The following ALDH1A3 variants were observed in gnomAD, a reference collection of about 807,000 sequenced individuals.
ALDH1A3 encodes retinaldehyde dehydrogenase 3.
In ALDH1A3, 28 loss-of-function variants were observed where a neutral mutation model predicts 57.5. That is an observed-to-expected ratio of 0.49 (90% CI 0.36 to 0.67). The LOEUF is 0.67. Ranked by LOEUF, ALDH1A3 falls within the 30% of genes least tolerant of loss-of-function variation. The pLI is 0.00. For missense variants in ALDH1A3, 507 were observed against 669.4 expected (o/e 0.76, Z 2.68); for synonymous variants, 281 against 264.8 (o/e 1.06, Z -0.59).
intron 9 of ALDH1A3, among the ~76,000 whole-genome samples, chr15:100,904,092 T>C (rs1567173028): frequency 6.6e-6 from 1 of 152,250 alleles, no homozygotes; most frequent in African/African-American, 2.4e-5. Flanking sequence ...TATAAAACTT[T>C]TATGGTTTTG....
intron 1 of ALDH1A3, among the ~76,000 whole-genome samples, chr15:100,884,759 CT>C (rs1227206252): frequency 6.6e-6 from 1 of 152,056 alleles, no homozygotes; most frequent in Non-Finnish European, 1.5e-5. Flanking sequence ...TGGTGAGATC[CT>C]CCTCAAAGTG....
chr15:100,896,169 A>G (rs866907702), intron 7 of ALDH1A3, 123 bp downstream of exon 7: 1 of 775,928 alleles, frequency 1.3e-6, no homozygotes. Flanking sequence ...ATGTTTTAGT[A>G]CATAACAACC....
At chr15:100,891,220 G>A (rs1375589674) in intron 3 of ALDH1A3, among the ~76,000 whole-genome samples, 1 of 152,216 alleles carries the variant, frequency 6.6e-6, no homozygotes, top group African/African-American at 2.4e-5. Flanking sequence ...GGCCCTGTGA[G>A]GTAGGAACCG....
chr15:100,899,037 T>A (rs1160045589), intron 8 of ALDH1A3, among the ~76,000 whole-genome samples: 1 of 152,176 alleles, frequency 6.6e-6, no homozygotes, highest in Non-Finnish European at 1.5e-5. Flanking sequence ...GAATTGCAAA[T>A]ATCCCCAAGA....
chr15:100,893,148 G>GCCA lies in ALDH1A3; in HGVS notation c.537+143_537+144insCAC. ...TTTTCTTCGTGGCATGGAACTCCATGCTTGGGGGCTCTTGAGATGGATTAG... is the reference window on the plus strand; with the variant it reads ...TTTTCTTCGTGGCATGGAACTCCATGCCACTTGGGGGCTCTTGAGATGGATTAG... On this transcript the variant is annotated intron_variant, in intron 5 of 12. Transcript: ENST00000329841. The surrounding 1 kb of genome is among the most constrained non-coding windows in gnomAD (Gnocchi z 4.8). 4 of 699,560 alleles carry GCCA rather than the reference G, an allele frequency of 5.7e-6. No homozygotes were observed. The highest frequency in any genetic ancestry group is 9.3e-6 in the Non-Finnish European group (4 of 431,766). The allele number at this position is 699,560 out of a possible 1,614,324, so 43.3% of individuals were successfully genotyped here. A position where few individuals can be genotyped will look rare whatever the true frequency, so the allele number is the denominator to read the frequency against.
chr15:100,880,002 C>G lies in ALDH1A3; in HGVS notation c.95C>G (p.Thr32Ser). 1 of 1,465,418 alleles carries G rather than the reference C, an allele frequency of 6.8e-7. No homozygotes were observed. Among genetic ancestry groups the G allele is most frequent in the Non-Finnish European group, 9.0e-7 (1 of 1,105,140 alleles). The allele number at this position is 1,465,418 out of a possible 1,614,324, so 90.8% of individuals were successfully genotyped here. The change falls in exon 1 of 13, where the codon ACC (threonine) becomes AGC (serine). Residue 32 changes from threonine to serine, a missense_variant. Around this residue, in one of 2 missense-constraint regions of ALDH1A3, gnomAD observed 75 missense variants for 61.0 expected, o/e 1.23. Transcript: ENST00000329841. The part of the protein sequence containing the change: ...RPIRNLEVKF[T>S]KIFINNEWHE... ...ATCCGCAACCTGGAGGTCAAGTTCA[C>G]CAAGGTGAGGCGGGCGCCCCTCCCA... is the stretch of plus-strand genomic sequence containing the variant.
intron 12 of ALDH1A3, chr15:100,913,544 T>C (rs1046634161): frequency 6.6e-6 from 1 of 152,264 alleles, no homozygotes; most frequent in Admixed American, 6.5e-5. Flanking sequence ...CCCTTGTGAT[T>C]ACACTGGGTC....
intron 3 of ALDH1A3, 33 bp from the exon 4 acceptor site, chr15:100,892,477 A>G (rs200146843): frequency 3.3e-4 from 528 of 1,607,874 alleles, no homozygotes; most frequent in Non-Finnish European, 4.1e-4. Flanking sequence ...AAAGCAAGCT[A>G]TGTCCGAAAC....
intron 12 of ALDH1A3, 62 bp from the exon 13 acceptor site, chr15:100,914,639 G>C: frequency 3.3e-6 from 5 of 1,529,006 alleles, no homozygotes; most frequent in Non-Finnish European, 4.5e-6. Flanking sequence ...CCTCAGAACA[G>C]TTTCTACACA....
rs1380647670 is a variant in ALDH1A3 at position 100,893,532 on chromosome 15, G to A, written c.538-422G>A. On this transcript the variant is annotated intron_variant, in intron 5 of 12. Coordinates refer to ENST00000329841, the MANE Select transcript of ALDH1A3 (RefSeq NM_000693.4). The surrounding 1 kb of genome is among the most constrained non-coding windows in gnomAD (Gnocchi z 4.8). ...CGGGACTTTATTCATTGGGCGGTGG[G>A]GATGCTTATAGGTGCCCAAGAAGTG... 5.8e-6 allele frequency: 1 copy of A among 172,684 alleles called. No homozygotes were observed. The highest frequency in any genetic ancestry group is 1.2e-5 in the Non-Finnish European group (1 of 80,918). 10.7% of individuals were successfully genotyped at this position (172,684 alleles called of 1,614,324 possible).
chr15:100,904,356 A>G (rs1431247450), intron 9 of ALDH1A3, among the ~76,000 whole-genome samples: 1 of 152,076 alleles, frequency 6.6e-6, no homozygotes, highest in African/African-American at 2.4e-5. Context: ...TATGGATCTG[A>G]GTTAGTATTT....
chr15:100,893,911 G>A lies in ALDH1A3; in HGVS notation c.538-43G>A. 1.9e-6 allele frequency: 3 copies of A among 1,606,736 alleles called. No individual in the cohort carries two copies. Among genetic ancestry groups the A allele is most frequent in the East Asian group, 4.5e-5 (2 of 44,852 alleles). On this transcript the variant is annotated intron_variant, in intron 5 of 12. Transcript: ENST00000329841. The surrounding 1 kb of genome is among the most constrained non-coding windows in gnomAD (Gnocchi z 4.8). ...TCGTTGAGCACATGGGACAGGGTAA[G>A]AGGGTGGATCTGGGCCTCCAAAGCC... is the stretch of plus-strand genomic sequence containing the variant.
rs912836571 is a variant in ALDH1A3, at chr15:100,887,177, A to G, written c.205-395A>G. 1.1e-4 allele frequency among the ~76,000 whole-genome samples: 17 copies of G among 152,242 alleles called. No homozygotes were observed. Among genetic ancestry groups the G allele is most frequent in the African/African-American group, 4.1e-4 (17 of 41,470 alleles). On this transcript the variant is annotated intron_variant, in intron 2 of 12. Coordinates refer to ENST00000329841, the MANE Select transcript of ALDH1A3 (RefSeq NM_000693.4). This position sits in a 1 kb window ranked among gnomAD's most constrained non-coding sequence, Gnocchi z 4.6. ...CCAGCCATTCAAGTGATTGAAAAAC[A>G]TGCTGCTGCTTGCAGCCTGTCTGCC...
At chr15:100,896,408 A>T (rs1872443651) in intron 7 of ALDH1A3, among the ~76,000 whole-genome samples, 1 of 151,676 alleles carries the variant, frequency 6.6e-6, no homozygotes, top group Non-Finnish European at 1.5e-5. Context: ...TGCTCCTACA[A>T]GTCAATGAAA....
In ALDH1A3 at chr15:100,887,881, CTAGACTGAA is replaced by C. The variant is rs1225202535; in HGVS notation, c.345+171_345+179del. On this transcript the variant is annotated intron_variant, in intron 3 of 12. Coordinates refer to ENST00000329841, the MANE Select transcript of ALDH1A3 (RefSeq NM_000693.4). The surrounding 1 kb of genome is among the most constrained non-coding windows in gnomAD (Gnocchi z 4.6). Reference sequence around the variant, plus strand: ...GCAATACTTGCAGGTGTTAATGCCTCTAGACTGAATCCCTTTCATTTTGAAGTCAGACTT... The same window carrying C: ...GCAATACTTGCAGGTGTTAATGCCTCTCCCTTTCATTTTGAAGTCAGACTT... Among the ~76,000 whole-genome samples, 1 of 152,158 alleles carries C rather than the reference CTAGACTGAA, an allele frequency of 6.6e-6. No individual in the cohort carries two copies. Among genetic ancestry groups the C allele is most frequent in the Non-Finnish European group, 1.5e-5 (1 of 68,034 alleles).
chr15:100,900,372 C>T (rs935253415), intron 8 of ALDH1A3, among the ~76,000 whole-genome samples: 6 of 152,126 alleles, frequency 3.9e-5, no homozygotes, highest in Non-Finnish European at 7.4e-5. Context: ...TGATTTAACC[C>T]CAAACTTGGT....
intron 10 of ALDH1A3, 71 bp downstream of exon 10, chr15:100,905,758 G>T: frequency 7.1e-7 from 1 of 1,412,354 alleles, no homozygotes; most frequent in Non-Finnish European, 9.5e-7. Flanking sequence ...TAGGGCCCAG[G>T]GATCCCAGAA....
chr15:100,879,949 C>G lies in ALDH1A3; in HGVS notation c.42C>G (p.Asp14Glu). 6.8e-7 allele frequency: 1 copy of G among 1,472,408 alleles called. No homozygotes were observed. Among genetic ancestry groups the G allele is most frequent in the Non-Finnish European group, 9.0e-7 (1 of 1,110,470 alleles). 91.2% of individuals were successfully genotyped at this position (1,472,408 alleles called of 1,614,324 possible). The change falls in exon 1 of 13, where the codon GAC becomes GAG. Residue 14 changes from aspartate (D) to glutamate (E), a missense_variant. Asp to Glu is a conservative substitution (Grantham distance 45, BLOSUM62 2). Around this residue, in one of 2 missense-constraint regions of ALDH1A3, gnomAD observed 75 missense variants for 61.0 expected, o/e 1.23. Coordinates refer to ENST00000329841, the MANE Select transcript of ALDH1A3 (RefSeq NM_000693.4). ...GGGCCGTGGAAAACGGGCAGCCGGACAGGAAGCCGCCGGCCCTGCCGCGCC... is the reference window on the plus strand; with the variant it reads ...GGGCCGTGGAAAACGGGCAGCCGGAGAGGAAGCCGCCGGCCCTGCCGCGCC... ...ANGAVENGQPDRKPPALPRPI... is the reference protein window; with the variant it reads ...ANGAVENGQPERKPPALPRPI...
intron 7 of ALDH1A3, 37 bp downstream of exon 7, chr15:100,896,083 G>T (rs773436591): frequency 3.9e-6 from 6 of 1,520,062 alleles, no homozygotes; most frequent in Non-Finnish European, 5.4e-6. Context: ...AAAGTGAAAG[G>T]GGCGTGTTAT....
Sources: gnomAD v4.1 joint callset for allele counts (sites outside exome capture counted in the v4.1 genomes callset) on GRCh38, gnomAD v4.1.1 for gene constraint, gnomAD v4.1.1 regional missense constraint, Gnocchi (gnomAD v3.1) non-coding constraint, MANE v1.5 for transcripts, NCBI Gene and HGNC (gene_info 2026-07-23, HGNC 2026-07-21) for gene names.